The following IQSEC1 variants were observed in gnomAD, a reference collection of about 807,000 sequenced individuals.
The protein encoded by IQSEC1 is IQ motif and SEC7 domain-containing protein 1.
In IQSEC1, 31 loss-of-function variants were observed where a neutral mutation model predicts 91.0. The ratio of observed to expected loss-of-function variants is 0.34; its 90% CI spans 0.26 to 0.46. IQSEC1 has a LOEUF of 0.46. Among genes scored for constraint, IQSEC1 ranks in the 20% least tolerant of loss-of-function variants. The pLI, the probability that IQSEC1 is intolerant of heterozygous loss-of-function variation, is 1.00. For missense variants in IQSEC1, 1,388 were observed against 1,575.6 expected, an observed-to-expected ratio of 0.88 and a Z score of 2.02; for synonymous variants, 699 against 662.6, an observed-to-expected ratio of 1.05 and a Z score of -0.84.
In IQSEC1 at chr3:12,967,568, C is replaced by A. The variant is rs1466033904; in HGVS notation, c.24-25703G>T. The A allele has an allele frequency of 2.2e-6, 3 of 1,333,356 alleles. No homozygotes were observed. Among genetic ancestry groups the A allele is most frequent in the African/African-American group, 3.1e-5 (2 of 64,524 alleles). The allele number at this position is 1,333,356 out of a possible 1,614,324, so 82.6% of individuals were successfully genotyped here. A position where few individuals can be genotyped will look rare whatever the true frequency, so the allele number is the denominator to read the frequency against. On this transcript the variant is annotated intron_variant, in intron 1 of 13. Coordinates refer to ENST00000613206, the MANE Select transcript of IQSEC1 (RefSeq NM_001134382.3). This position sits in a 1 kb window ranked among gnomAD's most constrained non-coding sequence, Gnocchi z 5.9. ...GGCCGACACCCGGCCACCCGGAGAC[C>A]CGACCACCCGCCACGCGATCACGTC...
chr3:12,907,317 T>G (rs1695085324), intron 12 of IQSEC1, among the ~76,000 whole-genome samples: 1 of 152,192 alleles, frequency 6.6e-6, no homozygotes, highest in Admixed American at 6.5e-5. Flanking sequence ...GCAAGGCTGC[T>G]GACGGGCAGG....
chr3:13,003,276 CAAAAA>C (rs56239928), intron 1 of IQSEC1, among the ~76,000 whole-genome samples: 1 of 57,106 alleles, frequency 1.8e-5, no homozygotes, highest in East Asian at 6.7e-4. Context: ...CTGTCTCTAC[CAAAAA>C]AAAAAAAAAA....
chr3:13,200,347 G>C (rs954983870), intron 1 of IQSEC1, among the ~76,000 whole-genome samples: 2 of 152,024 alleles, frequency 1.3e-5, no homozygotes, highest in Admixed American at 1.3e-4. Flanking sequence ...AACCATGACC[G>C]GGGAAGACTG....
At position 13,099,985 on chromosome 3, in the gene IQSEC1, G is replaced by A. The variant is rs1019049159; in HGVS notation, c.303-52463C>T. On this transcript the variant is annotated intron_variant, in intron 2 of 15. Coordinates refer to the IQSEC1 transcript ENST00000648114. ...GAAAGGAGAGGAGGTCGGAGGTGAC[G>A]GGGACAGTGGGACAGGCCTTGGAAG... is the stretch of plus-strand genomic sequence containing the variant. Among the ~76,000 whole-genome samples the A allele has an allele frequency of 3.7e-4, 55 of 149,772 alleles. 11 individuals carry two copies. Among genetic ancestry groups the A allele is most frequent in the African/African-American group, 1.1e-3 (44 of 40,020 alleles).
In IQSEC1 at chr3:13,256,632, C is replaced by G. The variant is rs147986548; in HGVS notation, c.272+26079G>C. Reference sequence around the variant, plus strand: ...CAGCCTTCGGGATATCTCACTCAACCAAAGTCACTGAGCAAGCGCTGGGGA... The same window carrying G: ...CAGCCTTCGGGATATCTCACTCAACGAAAGTCACTGAGCAAGCGCTGGGGA... On this transcript the variant is annotated intron_variant, in intron 1 of 15. Transcript: ENST00000648114. 4.1e-3 allele frequency among the ~76,000 whole-genome samples: 630 copies of G among 152,284 alleles called. 8 individuals are homozygous for G. Among genetic ancestry groups the G allele is most frequent in the African/African-American group, 0.014 (591 of 41,564 alleles).
At chr3:13,015,755 G>C in intron 1 of IQSEC1, 1 of 984,910 alleles carries the variant, frequency 1.0e-6, no homozygotes, top group African/African-American at 1.7e-5. Context: ...AGGCACCCTG[G>C]GGCCCCCGCC....
chr3:12,910,586 G>A (rs555734564), intron 10 of IQSEC1, among the ~76,000 whole-genome samples: 2 of 152,372 alleles, frequency 1.3e-5, no homozygotes, highest in South Asian at 2.1e-4. Context: ...GCAGGAGGTG[G>A]GGAGGCGGCC....
intron 2 of IQSEC1, among the ~76,000 whole-genome samples, chr3:13,154,460 T>TATATATATATATACACACAC (rs1707052959): frequency 1.7e-5 from 1 of 59,430 alleles, no homozygotes; most frequent in African/African-American, 7.4e-5. Flanking sequence ...TATATATATA[T>TATATATATATATACACACAC]ATATATATAT....
intron 2 of IQSEC1, among the ~76,000 whole-genome samples, chr3:12,939,774 C>T (rs1486223097): frequency 3.3e-5 from 5 of 152,208 alleles, no homozygotes; most frequent in Non-Finnish European, 7.3e-5. Flanking sequence ...TCCCAACCAG[C>T]CTTACCCAAT....
At chr3:13,078,199 C>T (rs1027735688), upstream of IQSEC1, among the ~76,000 whole-genome samples, 3 of 152,138 alleles carry the variant, frequency 2.0e-5, no homozygotes, top group Non-Finnish European at 2.9e-5. Flanking sequence ...GGGGAGAGAA[C>T]CAGTGAACAC....
At position 13,276,975 on chromosome 3, in the gene IQSEC1, A is replaced by C. The variant is rs1459905218; in HGVS notation, c.272+5736T>G. Among the ~76,000 whole-genome samples the C allele has an allele frequency of 2.6e-5, 4 of 151,908 alleles. No homozygotes were observed. In the East Asian group the frequency reaches 7.7e-4, roughly 29 times the overall value. On this transcript the variant is annotated intron_variant, in intron 1 of 15. Transcript: ENST00000648114. ...CAATTAGGTCAATTCCCTCTCCCCT[A>C]TTCCAGTTCTTGCCAAATGCCTGGC...
intron 1 of IQSEC1, among the ~76,000 whole-genome samples, chr3:13,015,264 C>T (rs1290731333): frequency 6.6e-6 from 1 of 152,186 alleles, no homozygotes; most frequent in Non-Finnish European, 1.5e-5. Flanking sequence ...ACACTCCCTG[C>T]CATCCAGGTG....
chr3:13,141,818 T>C (rs1047460711), intron 2 of IQSEC1, among the ~76,000 whole-genome samples: 9 of 152,318 alleles, frequency 5.9e-5, no homozygotes, highest in East Asian at 1.9e-4. Flanking sequence ...GGGAGGTGGA[T>C]GATGGATGGG....
At chr3:13,139,160 TAAC>T (rs931337806) in intron 2 of IQSEC1, among the ~76,000 whole-genome samples, 9 of 152,200 alleles carry the variant, frequency 5.9e-5, no homozygotes, top group African/African-American at 9.6e-5. Flanking sequence ...CTAGCCATTT[TAAC>T]AACGAGAAAC....
chr3:12,974,494 A>G (rs1384492983), intron 1 of IQSEC1, among the ~76,000 whole-genome samples: 1 of 152,184 alleles, frequency 6.6e-6, no homozygotes, highest in Non-Finnish European at 1.5e-5. Flanking sequence ...TCCCAAATCC[A>G]GGGGCAGGGC....
chr3:13,151,907 A>C (rs1015311969), intron 2 of IQSEC1, among the ~76,000 whole-genome samples: 1 of 152,200 alleles, frequency 6.6e-6, no homozygotes, highest in Non-Finnish European at 1.5e-5. Context: ...CGGAGGTTGC[A>C]GCGACCCAAG....
chr3:13,070,748 C>A (rs1705386029), intron 1 of IQSEC1, among the ~76,000 whole-genome samples: 1 of 152,208 alleles, frequency 6.6e-6, no homozygotes, highest in South Asian at 2.1e-4. Context: ...GACTGGGAGC[C>A]TGAGAGCTGG....
rs949843361 is a variant in IQSEC1 at position 12,922,689 on chromosome 3, G to T, written c.1731-447C>A. ...GGGTGTTGACTTTCAGAATAAGCCTGTTCTCTTGTGGGGAGAGTATCGGGG... is the reference window on the plus strand; with the variant it reads ...GGGTGTTGACTTTCAGAATAAGCCTTTTCTCTTGTGGGGAGAGTATCGGGG... On this transcript the variant is annotated intron_variant, in intron 4 of 13. Transcript: ENST00000613206. This position sits in a 1 kb window ranked among gnomAD's most constrained non-coding sequence, Gnocchi z 5.1. Among the ~76,000 whole-genome samples the T allele has an allele frequency of 2.6e-5, 4 of 152,172 alleles. No individual in the cohort carries two copies. Among genetic ancestry groups the T allele is most frequent in the Admixed American group, 2.6e-4 (4 of 15,284 alleles).
At chr3:12,965,092 G>A (rs1700477534) in intron 1 of IQSEC1, among the ~76,000 whole-genome samples, 1 of 152,204 alleles carries the variant, frequency 6.6e-6, no homozygotes, top group African/African-American at 2.4e-5. Context: ...TTCTCCTGTA[G>A]GCTCCCCATG....
Sources: allele counts gnomAD v4.1 joint callset (sites outside exome capture counted in the v4.1 genomes callset), GRCh38; gene constraint gnomAD v4.1.1; non-coding constraint Gnocchi (gnomAD v3.1); transcripts MANE v1.5; gene names NCBI Gene and HGNC (gene_info 2026-07-23, HGNC 2026-07-21).